Variants in AKAP13 observed in about 807,000 individuals in gnomAD.
The protein encoded by AKAP13 is A-kinase anchoring protein 13.
AKAP13 carries 80 observed loss-of-function variants against 264.5 expected under a neutral mutation model. That is an observed-to-expected ratio of 0.30 (90% CI 0.25 to 0.36). The LOEUF (loss-of-function observed/expected upper bound fraction) is 0.36. Ranked by LOEUF, AKAP13 falls within the 10% of genes least tolerant of loss-of-function variation. AKAP13 has a pLI of 1.00. For synonymous variants in AKAP13, 1,380 were observed against 1,250.2 expected (o/e 1.10, Z -2.19); for missense variants, 3,712 against 3,435.2 (o/e 1.08, Z -2.01).
Position 85,563,657 on chromosome 15 carries a change from A to G in AKAP13, c.663-11474A>G, listed in dbSNP as rs543831337. Reference sequence around the variant, plus strand: ...TTTCCACTTAAAGTAGTGCAGCATTATATAAGGGGGAGAGCACAGGCTTTG... The same window carrying G: ...TTTCCACTTAAAGTAGTGCAGCATTGTATAAGGGGGAGAGCACAGGCTTTG... On this transcript the variant is annotated intron_variant, in intron 5 of 36. Transcript: ENST00000394518. Among the ~76,000 whole-genome samples, 3 of 152,256 alleles carry G rather than the reference A, an allele frequency of 2.0e-5. No homozygotes were observed. The South Asian group carries it at 6.2e-4, about 32-fold the overall frequency.
chr15:85,401,357 C>A (rs2071413226), intron 1 of AKAP13, among the ~76,000 whole-genome samples: 1 of 152,050 alleles, frequency 6.6e-6, no homozygotes, highest in Non-Finnish European at 1.5e-5. Context: ...GTAAGGAACC[C>A]TATGTAGAAT....
Position 85,708,666 on chromosome 15 carries a change from A to C in AKAP13, c.5532+580A>C, listed in dbSNP as rs781086563. Among the ~76,000 whole-genome samples the C allele has an allele frequency of 1.3e-5, 2 of 152,180 alleles. No individual in the cohort carries two copies. The highest frequency in any genetic ancestry group is 2.4e-5 in the African/African-American group (1 of 41,442). On this transcript the variant is annotated intron_variant, in intron 18 of 36. Transcript: ENST00000394518. This position sits in a 1 kb window ranked among gnomAD's most constrained non-coding sequence, Gnocchi z 4.3. Reference sequence around the variant, plus strand: ...GCTTTCCCAGTGGCCCTTAAAAAAAAGTGTGGGTTAAGGGCCATACCTTTT... The same window carrying C: ...GCTTTCCCAGTGGCCCTTAAAAAAACGTGTGGGTTAAGGGCCATACCTTTT...
intron 13 of AKAP13, among the ~76,000 whole-genome samples, chr15:85,667,426 A>C (rs1228353700): frequency 6.6e-6 from 1 of 152,248 alleles, no homozygotes; most frequent in East Asian, 1.9e-4. Context: ...ATTTAGATTT[A>C]CTCAGCCTAA....
intron 5 of AKAP13, among the ~76,000 whole-genome samples, chr15:85,571,310 T>TATAC (rs1421734651): frequency 6.6e-6 from 1 of 152,260 alleles, no homozygotes; most frequent in Non-Finnish European, 1.5e-5. Flanking sequence ...CAGGACTTTG[T>TATAC]AGATTTCAAT....
At chr15:85,731,096 C>T (rs1567219188) in intron 30 of AKAP13, among the ~76,000 whole-genome samples, 2 of 148,628 alleles carry the variant, frequency 1.3e-5, no homozygotes, top group Non-Finnish European at 3.0e-5. Flanking sequence ...CCTCCCCCTC[C>T]TGGGTTCAAG....
intron 7 of AKAP13, chr15:85,583,114 C>G (rs905132650): frequency 1.3e-5 from 13 of 985,332 alleles, no homozygotes; most frequent in African/African-American, 1.0e-4. Flanking sequence ...CCACCTGTTA[C>G]CAGCTGTAGA....
intron 1 of AKAP13, among the ~76,000 whole-genome samples, chr15:85,442,471 TATATTA>T (rs1567059469): frequency 1.6e-5 from 2 of 123,404 alleles, no homozygotes; most frequent in East Asian, 4.2e-4. Context: ...ATACATAATA[TATATTA>T]TATAATATAT....
chr15:85,520,219 G>T (rs1464089480), intron 2 of AKAP13, among the ~76,000 whole-genome samples: 1 of 151,968 alleles, frequency 6.6e-6, no homozygotes, highest in African/African-American at 2.4e-5. Context: ...TTTGCGGCTG[G>T]GTACGGTGGC....
At chr15:85,516,502 A>G (rs140003929) in intron 2 of AKAP13, among the ~76,000 whole-genome samples, 3 of 152,346 alleles carry the variant, frequency 2.0e-5, no homozygotes, top group East Asian at 1.9e-4. Flanking sequence ...GAGGAGAACT[A>G]TGATGACACT....
chr15:85,589,550 G>A lies in AKAP13; in HGVS notation c.4161+3727G>A, dbSNP rs186634975. ...GCAGGCGGATCACTTGAGGTCAGGA[G>A]TTCGTGACCAGCCTGGCTAACATGG... On this transcript the variant is annotated intron_variant, in intron 8 of 36. Transcript: ENST00000394518. 5.5e-3 allele frequency among the ~76,000 whole-genome samples: 825 copies of A among 150,732 alleles called. 1 individual carries two copies. The highest frequency in any genetic ancestry group is 8.4e-3 in the Non-Finnish European group (567 of 67,822).
intron 1 of AKAP13, among the ~76,000 whole-genome samples, chr15:85,461,511 T>G (rs753023344): frequency 2.6e-4 from 39 of 152,216 alleles, no homozygotes; most frequent in Non-Finnish European, 4.9e-4. Flanking sequence ...AATATAGTGT[T>G]ATTTGTATCC....
intron 16 of AKAP13, 33 bp from the exon 17 acceptor site, chr15:85,693,244 A>C: frequency 6.4e-7 from 1 of 1,567,634 alleles, no homozygotes; most frequent in Non-Finnish European, 8.6e-7. Context: ...CCAGTGTTCA[A>C]TTAACTGTGG....
chr15:85,596,169 T>C (rs372770231), intron 8 of AKAP13, among the ~76,000 whole-genome samples: 1 of 152,224 alleles, frequency 6.6e-6, no homozygotes, highest in East Asian at 1.9e-4. Context: ...AATACTCTTA[T>C]GAGCACATTT....
At chr15:85,502,045 G>A (rs975100333) in intron 2 of AKAP13, among the ~76,000 whole-genome samples, 7 of 152,168 alleles carry the variant, frequency 4.6e-5, no homozygotes, top group Non-Finnish European at 8.8e-5. Context: ...TGGGTCACCA[G>A]GAGGGCTTAT....
rs186109162 is a variant in AKAP13 at position 85,642,048 on chromosome 15, A to G, written c.4237+2599A>G. Among the ~76,000 whole-genome samples, 34 of 152,356 alleles carry G rather than the reference A, an allele frequency of 2.2e-4. No individual in the cohort carries two copies. In the East Asian group the frequency reaches 6.0e-3, roughly 27 times the overall value. On this transcript the variant is annotated intron_variant, in intron 9 of 36. Coordinates refer to ENST00000394518, the MANE Select transcript of AKAP13 (RefSeq NM_007200.5). ...ACACAAAAATTACAGACAGATTTAC[A>G]TATGGGTCATAAAATGGGACTGGCC...
Position 85,635,081 on chromosome 15 carries a change from A to G in AKAP13, c.4162-4293A>G, listed in dbSNP as rs1300488664. The G allele has an allele frequency of 1.5e-5, 6 of 398,236 alleles. No individual in the cohort carries two copies. The East Asian group carries it at 1.8e-4, about 12-fold the overall frequency. 24.7% of individuals were successfully genotyped at this position (398,236 alleles called of 1,614,324 possible). ...CAGTAGGTTTTGATTCTTCTTCGGT[A>G]AATGAATGGAATGCTATGTTGTATG... On this transcript the variant is annotated intron_variant, in intron 8 of 36. Coordinates refer to ENST00000394518, the MANE Select transcript of AKAP13 (RefSeq NM_007200.5).
At chr15:85,621,450 T>G (rs2081180781) in intron 8 of AKAP13, 1 of 152,348 alleles carries the variant, frequency 6.6e-6, no homozygotes, top group South Asian at 2.1e-4. Context: ...ATTTTTGTCC[T>G]CATATAATGT....
chr15:85,585,650 G>A (rs1485919422), intron 7 of AKAP13, 52 bp from the exon 8 acceptor site: 2 of 1,610,552 alleles, frequency 1.2e-6, no homozygotes, highest in East Asian at 2.2e-5. Context: ...GAATAGTAAG[G>A]CACAGGAATC....
chr15:85,712,977 A>T (rs1183154923), intron 19 of AKAP13, among the ~76,000 whole-genome samples: 1 of 152,246 alleles, frequency 6.6e-6, no homozygotes, highest in Non-Finnish European at 1.5e-5. Flanking sequence ...GGACATTACC[A>T]AACCTCTCTG....
Sources: gnomAD v4.1 joint callset for allele counts (sites outside exome capture counted in the v4.1 genomes callset) on GRCh38, gnomAD v4.1.1 for gene constraint, Gnocchi (gnomAD v3.1) non-coding constraint, MANE v1.5 for transcripts, NCBI Gene and HGNC (gene_info 2026-07-23, HGNC 2026-07-21) for gene names.